Variants in SETD2 observed in about 807,000 individuals in gnomAD.
The protein encoded by SETD2 is SET domain containing 2, histone lysine methyltransferase, also known as histone-lysine N-methyltransferase SETD2.
In SETD2, 31 loss-of-function variants were observed where a neutral mutation model predicts 242.1. That is an observed-to-expected ratio of 0.13 (90% CI 0.10 to 0.17). SETD2 has a LOEUF of 0.17. Ranked by LOEUF, SETD2 falls within the 10% of genes least tolerant of loss-of-function variation. The pLI is 1.00. For missense variants in SETD2, 2,481 were observed against 3,046.3 expected (o/e 0.81, Z 4.37); for synonymous variants, 1,006 against 1,066.5 (o/e 0.94, Z 1.11).
intron 1 of SETD2, among the ~76,000 whole-genome samples, chr3:47,129,580 G>T (rs973435591): frequency 1.8e-4 from 28 of 152,208 alleles, no homozygotes; most frequent in African/African-American, 6.8e-4. Flanking sequence ...GATTGAGGAA[G>T]TGATCTCAAG....
At chr3:47,022,732 A>C (rs2038288268) in intron 18 of SETD2, among the ~76,000 whole-genome samples, 1 of 152,260 alleles carries the variant, frequency 6.6e-6, no homozygotes, top group Admixed American at 6.5e-5. Context: ...AGGGCCTGGC[A>C]GAAAGCCAGA....
At chr3:47,124,608 G>T in intron 2 of SETD2, 60 bp from the exon 3 acceptor site, 1 of 1,382,920 alleles carries the variant, frequency 7.2e-7, no homozygotes. Context: ...CAAATGGACT[G>T]CACAGTTTAA....
At chr3:47,020,408 T>A (rs1007537709) in intron 18 of SETD2, among the ~76,000 whole-genome samples, 1 of 151,938 alleles carries the variant, frequency 6.6e-6, no homozygotes, top group Non-Finnish European at 1.5e-5. Flanking sequence ...GTGATGAAGG[T>A]CATCAAAGCC....
chr3:47,028,475 C>T (rs2038607642), intron 18 of SETD2, among the ~76,000 whole-genome samples: 1 of 152,112 alleles, frequency 6.6e-6, no homozygotes, highest in Non-Finnish European at 1.5e-5. Flanking sequence ...CAGGTGATGC[C>T]TTAGGAGATA....
chr3:47,164,415 T>C (rs2291721), upstream of SETD2: 4,663 of 152,604 alleles, frequency 0.031, 230 homozygotes, highest in East Asian at 0.13. The surrounding 1 kb of genome is among the most constrained non-coding windows in gnomAD (Gnocchi z 5.4). Context: ...GGGGGCAGCG[T>C]GACCCGGCCC....
intron 1 of SETD2, among the ~76,000 whole-genome samples, chr3:47,153,744 C>A: frequency 6.7e-6 from 1 of 150,182 alleles, no homozygotes. Flanking sequence ...CAAGGGAGGC[C>A]CTGATCCAAA....
chr3:47,162,487 T>C (rs1398541590), intron 1 of SETD2, among the ~76,000 whole-genome samples: 2 of 152,162 alleles, frequency 1.3e-5, no homozygotes, highest in South Asian at 2.1e-4. Flanking sequence ...CAAGTAAGAG[T>C]TGGGTTTTTA....
intron 12 of SETD2, among the ~76,000 whole-genome samples, chr3:47,082,173 G>A (rs1190080552): frequency 6.6e-6 from 1 of 152,086 alleles, no homozygotes; most frequent in African/African-American, 2.4e-5. Context: ...ACTATCATAC[G>A]AAGAAACAAG....
At chr3:47,066,647 C>G (rs2040567393) in intron 13 of SETD2, among the ~76,000 whole-genome samples, 1 of 151,902 alleles carries the variant, frequency 6.6e-6, no homozygotes, top group Non-Finnish European at 1.5e-5. Flanking sequence ...CCCTGCCCAG[C>G]TGCATATAAA....
chr3:47,154,854 C>T (rs1158337434), intron 1 of SETD2, among the ~76,000 whole-genome samples: 3 of 151,852 alleles, frequency 2.0e-5, no homozygotes, highest in Admixed American at 6.6e-5. Context: ...ATTAGCTGGG[C>T]GTGGTGGCGG....
chr3:47,088,293 A>AC (rs763397612), intron 9 of SETD2, 46 bp from the exon 10 acceptor site: 226 of 1,538,540 alleles, frequency 1.5e-4, no homozygotes, highest in Admixed American at 5.9e-4. Flanking sequence ...AACAACAACA[A>AC]AAAAAAAAAC....
intron 1 of SETD2, among the ~76,000 whole-genome samples, chr3:47,147,917 CAAAAAAA>C (rs547475994): frequency 1.3e-4 from 7 of 52,126 alleles, no homozygotes; most frequent in African/African-American, 2.2e-4. Context: ...GACTCTGTCT[CAAAAAAA>C]AAAAAAAAAA....
At chr3:47,105,036 C>T (rs372516107) in intron 6 of SETD2, among the ~76,000 whole-genome samples, 8 of 152,090 alleles carry the variant, frequency 5.3e-5, no homozygotes, top group Non-Finnish European at 1.0e-4. Flanking sequence ...TGGTTTTAAA[C>T]AGACATTCTA....
intron 18 of SETD2, among the ~76,000 whole-genome samples, chr3:47,032,798 G>A (rs2038831159): frequency 6.6e-6 from 1 of 151,862 alleles, no homozygotes; most frequent in Non-Finnish European, 1.5e-5. Context: ...TGTAATCCCA[G>A]CTACTCAGTA....
intron 13 of SETD2, 58 bp downstream of exon 13, chr3:47,067,012 G>T: frequency 1.5e-6 from 2 of 1,302,370 alleles, no homozygotes; most frequent in Non-Finnish European, 2.2e-6. Flanking sequence ...AGTTACCTCT[G>T]CACATAACAA....
intron 9 of SETD2, among the ~76,000 whole-genome samples, chr3:47,094,604 A>T (rs971712745): frequency 6.6e-6 from 1 of 152,234 alleles, no homozygotes; most frequent in African/African-American, 2.4e-5. Flanking sequence ...TAACTGACCA[A>T]AACTCAGAAT....
At chr3:47,101,287 G>A (rs1240941373) in intron 8 of SETD2, among the ~76,000 whole-genome samples, 171 bp downstream of exon 8, 1 of 152,014 alleles carries the variant, frequency 6.6e-6, no homozygotes. Context: ...TCCCTTAAGG[G>A]TCAGAAGTGT....
At chr3:47,055,856 CA>C (rs1356633440) in intron 15 of SETD2, among the ~76,000 whole-genome samples, 1 of 150,410 alleles carries the variant, frequency 6.6e-6, no homozygotes, top group African/African-American at 2.4e-5. Flanking sequence ...ACTAAAAATA[CA>C]AAAAAATTAG....
intron 9 of SETD2, among the ~76,000 whole-genome samples, chr3:47,096,215 A>AAG (rs1179323114): frequency 6.6e-6 from 1 of 152,256 alleles, no homozygotes; most frequent in African/African-American, 2.4e-5. Flanking sequence ...GAGCAGAGAC[A>AAG]AGATGCTGGA....
Sources: gnomAD v4.1 joint callset for allele counts (sites outside exome capture counted in the v4.1 genomes callset) on GRCh38, gnomAD v4.1.1 for gene constraint, Gnocchi (gnomAD v3.1) non-coding constraint, MANE v1.5 for transcripts, NCBI Gene and HGNC (gene_info 2026-07-23, HGNC 2026-07-21) for gene names.